HBP1: variants seen among roughly 807,000 people sequenced by gnomAD.
HBP1 encodes HMG box-containing protein 1.
In HBP1, 20 loss-of-function variants were observed where a neutral mutation model predicts 62.6. That is an observed-to-expected ratio of 0.32 (90% CI 0.22 to 0.46). HBP1 has a LOEUF of 0.46. Ranked by LOEUF, HBP1 falls within the 20% of genes least tolerant of loss-of-function variation. The pLI, the probability that HBP1 is intolerant of heterozygous loss-of-function variation, is 1.00. For synonymous variants in HBP1, 232 were observed against 206.2 expected (o/e 1.12, Z -1.07); for missense variants, 480 against 611.8 (o/e 0.78, Z 2.27).
At chr7:107,189,181 T>A (rs558625857) in intron 6 of HBP1, 111 bp from the exon 7 acceptor site, 4 of 827,810 alleles carry the variant, frequency 4.8e-6, no homozygotes, top group Non-Finnish European at 5.7e-6. Context: ...ATGGCAGGGA[T>A]CCTGTCTTGG....
At position 107,169,057 on chromosome 7, in the gene HBP1, A is replaced by G. The variant is rs1225283902; in HGVS notation, c.-144A>G. ...GTAGGAAAGTTTCGGTTGAGGAGTA[A>G]GAGCTGCCGCGGGAGCAGTAACCCG... On this transcript the variant is annotated 5_prime_UTR_variant, in exon 1 of 11. It removes the in-frame stop codon of an upstream open reading frame in the 5' UTR. Coordinates refer to ENST00000222574, the MANE Select transcript of HBP1 (RefSeq NM_012257.4). 1 of 1,288,474 alleles carries G rather than the reference A, an allele frequency of 7.8e-7. No homozygotes were observed. Among genetic ancestry groups the G allele is most frequent in the East Asian group, 5.6e-5 (1 of 17,920 alleles). The allele number at this position is 1,288,474 out of a possible 1,614,324, so 79.8% of individuals were successfully genotyped here.
chr7:107,175,355 G>A (rs865943870), intron 1 of HBP1, among the ~76,000 whole-genome samples: 11 of 152,208 alleles, frequency 7.2e-5, no homozygotes, highest in Middle Eastern at 3.4e-3. Flanking sequence ...TGTGAGGTAG[G>A]TACTTTTATT....
chr7:107,171,380 T>TAA, intron 1 of HBP1, among the ~76,000 whole-genome samples: 1 of 152,060 alleles, frequency 6.6e-6, no homozygotes, highest in Non-Finnish European at 1.5e-5. Flanking sequence ...CACTATATTT[T>TAA]AACTTCTTTG....
intron 1 of HBP1, among the ~76,000 whole-genome samples, chr7:107,179,170 T>G (rs1796992828): frequency 6.6e-6 from 1 of 152,038 alleles, no homozygotes; most frequent in Non-Finnish European, 1.5e-5. Context: ...ATTCTTCCAG[T>G]TTTTTTTAAC....
chr7:107,174,645 G>A, intron 1 of HBP1: 1 of 984,722 alleles, frequency 1.0e-6, no homozygotes, highest in Non-Finnish European at 1.2e-6. Flanking sequence ...ACAGACTGCA[G>A]CTGTGCTTCT....
intron 1 of HBP1, among the ~76,000 whole-genome samples, chr7:107,173,879 G>T (rs1172163471): frequency 6.6e-6 from 1 of 152,190 alleles, no homozygotes; most frequent in Non-Finnish European, 1.5e-5. Flanking sequence ...TACCAAAGCA[G>T]TATACAAAAG....
rs1299812651 is a variant in HBP1 at position 107,181,658 on chromosome 7, GT to G, written c.170-704del. Among the ~76,000 whole-genome samples the G allele has an allele frequency of 3.4e-4, 49 of 143,904 alleles. No individual in the cohort carries two copies. In the East Asian group the frequency reaches 3.4e-3, roughly 10 times the overall value. The allele number at this position is 143,904 out of a possible 152,430, so 94.4% of individuals were successfully genotyped here. A position where few individuals can be genotyped will look rare whatever the true frequency, so the allele number is the denominator to read the frequency against. On this transcript the variant is annotated intron_variant, in intron 2 of 10. Transcript: ENST00000222574. ...TTTGTAGGTATGTGTTTCGTGGAGA[GT>G]TTTTTTTTTTAAGCCTTCAAGATGC...
intron 1 of HBP1, among the ~76,000 whole-genome samples, chr7:107,175,204 T>C (rs182145613): frequency 2.4e-4 from 36 of 147,026 alleles, no homozygotes; most frequent in Admixed American, 1.8e-3. Context: ...CAGACCTCTT[T>C]TAAAAAAAAA....
intron 9 of HBP1, 33 bp downstream of exon 9, chr7:107,196,184 T>C: frequency 8.7e-7 from 1 of 1,148,038 alleles, no homozygotes; most frequent in African/African-American, 1.5e-5. Context: ...TTACAATAAA[T>C]GAGTAACACT....
At chr7:107,197,667 C>T (rs550385630) in intron 9 of HBP1, among the ~76,000 whole-genome samples, 9 of 152,166 alleles carry the variant, frequency 5.9e-5, no homozygotes, top group African/African-American at 1.4e-4. Flanking sequence ...ACGGGCCCAG[C>T]GCTAAGAGGC....
chr7:107,194,102 T>C (rs1363755739), intron 8 of HBP1, among the ~76,000 whole-genome samples: 1 of 152,196 alleles, frequency 6.6e-6, no homozygotes. Flanking sequence ...CCTAAGGTAG[T>C]ATAGCAAAAG....
intron 9 of HBP1, chr7:107,197,066 A>ACAGCTC (rs1797943500): frequency 6.6e-6 from 1 of 152,174 alleles, no homozygotes; most frequent in South Asian, 2.1e-4. Context: ...AAAACGGTGA[A>ACAGCTC]CTTAAGAGCT....
At chr7:107,201,089 A>ATTTCT (rs556698192) in intron 10 of HBP1, 29 of 216,840 alleles carry the variant, frequency 1.3e-4, no homozygotes, top group Non-Finnish European at 2.2e-4. Flanking sequence ...ATTTTTCACA[A>ATTTCT]TTTCTTTAAA....
Position 107,201,408 on chromosome 7 carries a change from C to T in HBP1, c.1528-6C>T, listed in dbSNP as rs1209981072. The T allele has an allele frequency of 2.1e-5, 33 of 1,563,690 alleles. No homozygotes were observed. Among genetic ancestry groups the T allele is most frequent in the Non-Finnish European group, 2.9e-5 (33 of 1,135,786 alleles). On this transcript the variant is annotated splice_region_variant and splice_polypyrimidine_tract_variant and intron_variant, in intron 10 of 10. Transcript: ENST00000222574. ...ACATTCACTGAGTTTAATTTTATTT[C>T]CACAGGGCTCACAACAACATTAAAC...
intron 1 of HBP1, among the ~76,000 whole-genome samples, chr7:107,176,070 A>G (rs1304195820): frequency 2.1e-5 from 3 of 146,308 alleles, no homozygotes. Flanking sequence ...CTGTTGCCCA[A>G]GCTGTAGTGC....
intron 1 of HBP1, among the ~76,000 whole-genome samples, chr7:107,172,724 A>C (rs1796657681): frequency 3.9e-5 from 6 of 152,102 alleles, no homozygotes; most frequent in Admixed American, 3.3e-4. Flanking sequence ...CAATTCTGAT[A>C]GGTAGATAGG....
intron 1 of HBP1, chr7:107,169,674 C>A (rs1361638163): frequency 2.2e-6 from 2 of 898,776 alleles, no homozygotes; most frequent in Admixed American, 6.2e-5. Context: ...TCTGGCTGAG[C>A]TGAGGAGCTC....
chr7:107,171,050 T>TAAA (rs1796545186), intron 1 of HBP1, among the ~76,000 whole-genome samples: 2 of 58,724 alleles, frequency 3.4e-5, no homozygotes, highest in African/African-American at 2.1e-4. Flanking sequence ...TGTATAAATA[T>TAAA]ATATATATAT....
intron 1 of HBP1, among the ~76,000 whole-genome samples, chr7:107,173,278 T>C (rs1192700894): frequency 6.6e-6 from 1 of 152,182 alleles, no homozygotes; most frequent in Non-Finnish European, 1.5e-5. Context: ...TGAAAACAAT[T>C]TGAGCGTGTA....
Sources: gnomAD v4.1 joint callset for allele counts (sites outside exome capture counted in the v4.1 genomes callset) on GRCh38, gnomAD v4.1.1 for gene constraint, MANE v1.5 for transcripts, NCBI Gene and HGNC (gene_info 2026-07-23, HGNC 2026-07-21) for gene names.